BBS1: variants seen among roughly 807,000 people sequenced by gnomAD.
BBS1 encodes BBSome complex member BBS1.
A neutral mutation model predicts 73.9 loss-of-function variants in BBS1; 60 were observed. That is an observed-to-expected ratio of 0.81 (90% CI 0.66 to 1.01). BBS1 has a LOEUF of 1.01. Ranked by LOEUF, BBS1 falls within the 50% of genes least tolerant of loss-of-function variation. BBS1 has a pLI of 0.00. For missense variants in BBS1, 718 were observed against 770.3 expected, an observed-to-expected ratio of 0.93 and a Z score of 0.80; for synonymous variants, 283 against 317.4, an observed-to-expected ratio of 0.89 and a Z score of 1.15.
chr11:66,530,613 G>A (rs1033177700), intron 14 of BBS1, among the ~76,000 whole-genome samples: 27 of 152,192 alleles, frequency 1.8e-4, no homozygotes, highest in African/African-American at 5.8e-4. Context: ...AGTGGGAGGT[G>A]GAACAGGCAG....
rs1393606621 is a variant in BBS1 at position 66,515,108 on chromosome 11, G to A, written c.432+430G>A. On this transcript the variant is annotated intron_variant, in intron 4 of 16. Transcript: ENST00000318312. ...GTTGGGATTACAGGCATGAACCACCGTGCCCAGCCTAGTGATGGCACTTCT... is the reference window on the plus strand; with the variant it reads ...GTTGGGATTACAGGCATGAACCACCATGCCCAGCCTAGTGATGGCACTTCT... Among the ~76,000 whole-genome samples the A allele has an allele frequency of 4.6e-5, 7 of 152,194 alleles. No homozygotes were observed. In the East Asian group the frequency reaches 1.4e-3, roughly 29 times the overall value.
intron 16 of BBS1, 44 bp downstream of exon 16, chr11:66,531,786 G>C: frequency 6.2e-7 from 1 of 1,613,896 alleles, no homozygotes; most frequent in South Asian, 1.1e-5. Context: ...GCAGGACCCT[G>C]GGGAGGACAG....
rs1356510765 is a variant in BBS1, at chr11:66,510,929, A to G, written c.48-84A>G. 2.7e-6 allele frequency: 4 copies of G among 1,494,286 alleles called. No homozygotes were observed. The East Asian group carries it at 9.0e-5, about 34-fold the overall frequency. 92.6% of individuals were successfully genotyped at this position (1,494,286 alleles called of 1,614,324 possible). On this transcript the variant is annotated intron_variant, in intron 1 of 16. Coordinates refer to ENST00000318312, the MANE Select transcript of BBS1 (RefSeq NM_024649.5). ...CCCAGACGTTCTGTACCTTATGTTC[A>G]GAGTGACCTGTACCAGCTTCCTCAA...
At chr11:66,519,517 A>C in intron 7 of BBS1, 100 bp from the exon 8 acceptor site, 1 of 1,531,590 alleles carries the variant, frequency 6.5e-7, no homozygotes, top group East Asian at 2.3e-5. Flanking sequence ...TTTCCTCTTC[A>C]TCCTCCTTTG....
chr11:66,529,866 G>A lies in BBS1; in HGVS notation c.1387G>A (p.Ala463Thr), dbSNP rs1327889387. Residue 463 changes from alanine (A) to threonine (T), a missense_variant, in exon 14 of 17, where the codon GCT becomes ACT. Physicochemically the swap from Ala to Thr is moderately conservative, Grantham distance 58. Transcript: ENST00000318312. Reference sequence around the variant, plus strand: ...AGACCTATACCTGCTGCGCCTACGTGCTGCCCGCGCCTACCTGCAGGCCCT... The same window carrying A: ...AGACCTATACCTGCTGCGCCTACGTACTGCCCGCGCCTACCTGCAGGCCCT... ...QTDLYLLRLR[A>T]ARAYLQALES... is the part of the protein sequence containing the mutation. The A allele has an allele frequency of 6.2e-7, 1 of 1,610,282 alleles. No homozygotes were observed.
chr11:66,522,173 C>G (rs1440502088), intron 9 of BBS1, among the ~76,000 whole-genome samples: 9 of 150,658 alleles, frequency 6.0e-5, no homozygotes, highest in Admixed American at 1.3e-4. Context: ...GCCGAGATCA[C>G]GCCACTGCCC....
chr11:66,512,209 G>A (rs1284846017), intron 3 of BBS1, among the ~76,000 whole-genome samples: 1 of 151,872 alleles, frequency 6.6e-6, no homozygotes, highest in Non-Finnish European at 1.5e-5. Flanking sequence ...ACATTCCATG[G>A]AGGCACATAA....
At chr11:66,519,889 C>T in intron 8 of BBS1, 141 bp downstream of exon 8, 1 of 1,136,496 alleles carries the variant, frequency 8.8e-7, no homozygotes, top group Non-Finnish European at 1.2e-6. Context: ...GATATATATC[C>T]AAAAATCCTA....
intron 3 of BBS1, among the ~76,000 whole-genome samples, chr11:66,513,222 G>T (rs1398862155): frequency 6.6e-6 from 1 of 151,672 alleles, no homozygotes; most frequent in Non-Finnish European, 1.5e-5. Context: ...AAGGATGAAT[G>T]AAGTCTATCA....
At chr11:66,528,448 G>A in intron 13 of BBS1, among the ~76,000 whole-genome samples, 1 of 151,994 alleles carries the variant, frequency 6.6e-6, no homozygotes, top group Non-Finnish European at 1.5e-5. Flanking sequence ...TAAGAATGAG[G>A]GGACTTACCC....
At chr11:66,519,390 A>G (rs1423125193) in intron 7 of BBS1, among the ~76,000 whole-genome samples, 1 of 152,160 alleles carries the variant, frequency 6.6e-6, no homozygotes, top group Non-Finnish European at 1.5e-5. Flanking sequence ...AAAAGACTGC[A>G]TAGTTTTTGA....
At position 66,514,603 on chromosome 11, in the gene BBS1, A is replaced by T. The variant is rs190513580; in HGVS notation, c.357A>T (p.Arg119Ser). 58 of 1,613,856 alleles carry T rather than the reference A, an allele frequency of 3.6e-5. No homozygotes were observed. In the Admixed American group the frequency reaches 9.3e-4, roughly 26 times the overall value. Residue 119 changes from arginine to serine, a missense_variant, in exon 4 of 17, where the codon AGA becomes AGT. Coordinates refer to ENST00000318312, the MANE Select transcript of BBS1 (RefSeq NM_024649.5). ...GPCVYVYKNLRPYFKFSLPQL... is the reference protein window; with the variant it reads ...GPCVYVYKNLSPYFKFSLPQL... ...GTGTCTATGTGTATAAGAATCTCAG[A>T]CCCTACTTCAAGTTCAGCCTGCCCC... is the stretch of plus-strand genomic sequence containing the variant.
At chr11:66,512,921 G>A (rs532437261) in intron 3 of BBS1, among the ~76,000 whole-genome samples, 3 of 151,604 alleles carry the variant, frequency 2.0e-5, no homozygotes, top group African/African-American at 4.9e-5. Flanking sequence ...GCAGTGAGCC[G>A]AAATCACGCC....
intron 2 of BBS1, 34 bp downstream of exon 2, chr11:66,511,123 G>T: frequency 6.2e-7 from 1 of 1,613,948 alleles, no homozygotes; most frequent in Non-Finnish European, 8.5e-7. Flanking sequence ...CTGGGTTCTA[G>T]TGGGATGGGG....
At chr11:66,523,975 T>G (rs1856370594) in intron 11 of BBS1, 93 bp downstream of exon 11, 1 of 1,560,152 alleles carries the variant, frequency 6.4e-7, no homozygotes, top group Non-Finnish European at 8.7e-7. Flanking sequence ...CACACATTGA[T>G]GCATTTCAAA....
At chr11:66,515,325 A>G (rs529603346) in intron 4 of BBS1, among the ~76,000 whole-genome samples, 16 of 151,856 alleles carry the variant, frequency 1.1e-4, no homozygotes, top group Non-Finnish European at 2.2e-4. Context: ...AGAGGAGGGG[A>G]ATTTGGGGAG....
In BBS1 at chr11:66,530,997, C is replaced by T. The variant is rs759763673; in HGVS notation, c.1577C>T (p.Ala526Val). 1.2e-5 allele frequency: 19 copies of T among 1,614,098 alleles called. No homozygotes were observed. The highest frequency in any genetic ancestry group is 1.6e-4 in the Middle Eastern group (1 of 6,084). ...GLLVCFLYNE[A>V]LYSLPRAFFK... ...CTGGTCTGCTTCCTGTACAACGAGG[C>T]GCTCTATTCCCTGCCCCGGGCCTTC... The change falls in exon 15 of 17, where the codon GCG becomes GTG. Residue 526 changes from alanine (A) to valine (V), a missense_variant. Ala to Val is a moderately conservative substitution (Grantham distance 64, BLOSUM62 0). Coordinates refer to ENST00000318312, the MANE Select transcript of BBS1 (RefSeq NM_024649.5).
chr11:66,524,072 G>T, intron 11 of BBS1, 190 bp downstream of exon 11: 1 of 812,332 alleles, frequency 1.2e-6, no homozygotes, highest in East Asian at 2.7e-5. Flanking sequence ...CTGAGGTAAG[G>T]AGTTCAAAAC....
chr11:66,531,662 T>C lies in BBS1; in HGVS notation c.1615T>C (p.Leu539=), dbSNP rs1727051374. 1.2e-6 allele frequency: 2 copies of C among 1,613,956 alleles called. No individual in the cohort carries two copies. The highest frequency in any genetic ancestry group is 1.7e-6 in the Non-Finnish European group (2 of 1,179,986). The part of the protein sequence containing the change: ...SLPRAFFKVP[L]LVPGLNYPLE... ...TCTTTGTCCCCAAACTTAGGTACCCTTGCTGGTGCCAGGGCTCAACTACCC... is the reference window on the plus strand; with the variant it reads ...TCTTTGTCCCCAAACTTAGGTACCCCTGCTGGTGCCAGGGCTCAACTACCC... The change falls in exon 16 of 17, where the codon TTG becomes CTG. Residue 539 remains leucine, a synonymous_variant. Transcript: ENST00000318312.
Sources: allele counts gnomAD v4.1 joint callset (sites outside exome capture counted in the v4.1 genomes callset), GRCh38; gene constraint gnomAD v4.1.1; transcripts MANE v1.5; gene names NCBI Gene and HGNC (gene_info 2026-07-23, HGNC 2026-07-21).